The following CC2D2A variants were observed in gnomAD, a reference collection of about 807,000 sequenced individuals.
CC2D2A encodes the protein coiled-coil and C2 domain containing 2A.
A neutral mutation model predicts 212.9 loss-of-function variants in CC2D2A; 155 were observed. That is an observed-to-expected ratio of 0.73 (90% CI 0.64 to 0.83). The LOEUF is 0.83. Among genes scored for constraint, CC2D2A ranks in the 40% least tolerant of loss-of-function variants. The pLI, the probability that CC2D2A is intolerant of heterozygous loss-of-function variation, is 0.00. For synonymous variants in CC2D2A, 667 were observed against 686.5 expected, an observed-to-expected ratio of 0.97 and a Z score of 0.44; for missense variants, 1,856 against 1,956.2, an observed-to-expected ratio of 0.95 and a Z score of 0.97.
At chr4:15,477,321 T>G (rs2108967789) in intron 2 of CC2D2A, among the ~76,000 whole-genome samples, 1 of 151,980 alleles carries the variant, frequency 6.6e-6, no homozygotes, top group South Asian at 2.1e-4. Flanking sequence ...AAAAAAAACT[T>G]TAAGCAAGAT....
intron 11 of CC2D2A, among the ~76,000 whole-genome samples, chr4:15,527,189 G>A (rs1717553167): frequency 6.6e-6 from 1 of 152,180 alleles, no homozygotes; most frequent in Non-Finnish European, 1.5e-5. Context: ...ACTTAGGCAA[G>A]TAATGAAACC....
intron 16 of CC2D2A, among the ~76,000 whole-genome samples, chr4:15,540,076 G>A (rs555494294): frequency 3.3e-5 from 5 of 152,130 alleles, no homozygotes; most frequent in South Asian, 2.1e-4. Context: ...TAAACATTAC[G>A]TTATGTTATA....
rs563468860 is a variant in CC2D2A, at chr4:15,564,668, C to G, written c.3182+1146C>G. On this transcript the variant is annotated intron_variant, in intron 24 of 36. Transcript: ENST00000424120. ...TTCTGTCTCTCTCCTTCCTCTCACC[C>G]CATTATTTTGCCTTACATTTTTTAT... is the stretch of plus-strand genomic sequence containing the variant. 1.9e-3 allele frequency among the ~76,000 whole-genome samples: 288 copies of G among 152,000 alleles called. 1 individual carries two copies. Among genetic ancestry groups the G allele is most frequent in the African/African-American group, 6.5e-3 (269 of 41,454 alleles).
chr4:15,497,222 C>T (rs1715670207), intron 4 of CC2D2A, among the ~76,000 whole-genome samples: 1 of 152,170 alleles, frequency 6.6e-6, no homozygotes, highest in Non-Finnish European at 1.5e-5. Context: ...GGCATACAGA[C>T]CAATGGAACA....
chr4:15,589,542 C>T lies in CC2D2A; in HGVS notation c.4180-3C>T, dbSNP rs776622937. ...ACTAGTTTTAATGGCCATCTTCTTT[C>T]AGGGTCCAACTGCCTATGTGCTAAC... On this transcript the variant is annotated splice_region_variant and splice_polypyrimidine_tract_variant and intron_variant, in intron 32 of 36. Coordinates refer to ENST00000424120, the MANE Select transcript of CC2D2A (RefSeq NM_001378615.1). 1.9e-6 allele frequency: 3 copies of T among 1,610,912 alleles called. No individual in the cohort carries two copies. The highest frequency in any genetic ancestry group is 1.7e-6 in the Non-Finnish European group (2 of 1,178,072).
chr4:15,567,594 C>T lies in CC2D2A; in HGVS notation c.3289-83C>T, dbSNP rs894649609. The T allele has an allele frequency of 3.1e-5, 40 of 1,302,372 alleles. No individual in the cohort carries two copies. The East Asian group carries it at 9.6e-4, about 31-fold the overall frequency. 80.7% of individuals were successfully genotyped at this position (1,302,372 alleles called of 1,614,324 possible). ...CTTCATTTTCTTTGGAAACATACTA[C>T]TTAGTAAATATACTCTATTTTTGCT... On this transcript the variant is annotated intron_variant, in intron 25 of 36. Transcript: ENST00000424120.
chr4:15,597,190 A>G (rs1237749101), intron 34 of CC2D2A, among the ~76,000 whole-genome samples: 1 of 152,192 alleles, frequency 6.6e-6, no homozygotes, highest in African/African-American at 2.4e-5. Flanking sequence ...AATTCAGGTC[A>G]TGGTTACTTC....
intron 4 of CC2D2A, among the ~76,000 whole-genome samples, chr4:15,495,222 C>T (rs1715545496): frequency 6.6e-6 from 1 of 152,192 alleles, no homozygotes; most frequent in African/African-American, 2.4e-5. Flanking sequence ...GATTCTCCTG[C>T]CTCAGCCTCC....
intron 6 of CC2D2A, among the ~76,000 whole-genome samples, chr4:15,509,471 A>G (rs750820613): frequency 5.9e-5 from 9 of 152,238 alleles, no homozygotes; most frequent in Middle Eastern, 3.4e-3. Flanking sequence ...GTGGGGTTTC[A>G]CTATGTTTGC....
chr4:15,504,697 G>T (rs1270940781), intron 6 of CC2D2A, among the ~76,000 whole-genome samples: 3 of 152,078 alleles, frequency 2.0e-5, no homozygotes, highest in Non-Finnish European at 2.9e-5. Context: ...TTGTAATCAG[G>T]ACTTGGCTTA....
rs955623216 is a variant in CC2D2A at position 15,574,337 on chromosome 4, A to C, written c.3771+11A>C. ...TCCATTCGAGAAAAGGTAACTACTT[A>C]TAGTTTGGAAACCCATGTCTATGTT... is the stretch of plus-strand genomic sequence containing the variant. On this transcript the variant is annotated intron_variant, in intron 29 of 36. Transcript: ENST00000424120. The C allele has an allele frequency of 1.0e-5, 16 of 1,535,518 alleles. No individual in the cohort carries two copies. The highest frequency in any genetic ancestry group is 2.8e-5 in the African/African-American group (2 of 72,488).
chr4:15,555,782 T>G (rs886565702), intron 20 of CC2D2A, among the ~76,000 whole-genome samples: 4 of 152,172 alleles, frequency 2.6e-5, no homozygotes, highest in Admixed American at 2.0e-4. Context: ...GCACACAATT[T>G]GTGAGCAGTA....
intron 11 of CC2D2A, among the ~76,000 whole-genome samples, chr4:15,522,157 C>T (rs754710696): frequency 6.6e-6 from 1 of 152,228 alleles, no homozygotes; most frequent in Non-Finnish European, 1.5e-5. Flanking sequence ...GCTATTATCA[C>T]ACCACTGCAC....
At position 15,557,505 on chromosome 4, in the gene CC2D2A, C is replaced by A; in HGVS notation, c.2827C>A (p.Gln943Lys). 1 of 1,595,874 alleles carries A rather than the reference C, an allele frequency of 6.3e-7. No homozygotes were observed. The highest frequency in any genetic ancestry group is 1.7e-5 in the Admixed American group (1 of 57,766). ...YDREIMEKVF[Q>K]DYEKRLRDRN... The stretch of plus-strand genomic sequence containing the variant: ...CCGAGAAATTATGGAAAAGGTATTC[C>A]AGGTAAGAAACTGCCATAGAGGGGT... Residue 943 changes from glutamine to lysine, a missense_variant and splice_region_variant, in exon 21 of 37, where the codon CAG (glutamine) becomes AAG (lysine). This residue lies in a region of CC2D2A where 1,512 missense variants were observed against 1,579.3 expected (regional missense o/e 0.96). Transcript: ENST00000424120.
intron 35 of CC2D2A, 42 bp downstream of exon 35, chr4:15,597,507 G>A: frequency 6.8e-7 from 1 of 1,464,426 alleles, no homozygotes; most frequent in Non-Finnish European, 9.4e-7. Context: ...CTGTCACTAG[G>A]AGTATAATAC....
chr4:15,538,868 G>T (rs1718275448), intron 16 of CC2D2A, among the ~76,000 whole-genome samples: 1 of 151,902 alleles, frequency 6.6e-6, no homozygotes. Context: ...TATAGCCCCA[G>T]AATCAGCAGC....
chr4:15,591,242 G>A (rs1356710669), intron 33 of CC2D2A, among the ~76,000 whole-genome samples: 3 of 144,182 alleles, frequency 2.1e-5, no homozygotes, highest in Non-Finnish European at 4.5e-5. Flanking sequence ...TTTTTGAGAC[G>A]GACTTTCACT....
intron 6 of CC2D2A, among the ~76,000 whole-genome samples, chr4:15,507,402 G>A (rs2109003356): frequency 6.6e-6 from 1 of 152,260 alleles, no homozygotes; most frequent in East Asian, 1.9e-4. Flanking sequence ...ACATCTAGCT[G>A]CACCTAAGTG....
chr4:15,590,328 A>T lies in CC2D2A; in HGVS notation c.4314+649A>T, dbSNP rs140998277. Among the ~76,000 whole-genome samples, 774 of 152,314 alleles carry T rather than the reference A, an allele frequency of 5.1e-3. 5 individuals are homozygous for T. The highest frequency in any genetic ancestry group is 0.018 in the African/African-American group (734 of 41,554). On this transcript the variant is annotated intron_variant, in intron 33 of 36. Coordinates refer to ENST00000424120, the MANE Select transcript of CC2D2A (RefSeq NM_001378615.1). ...TCAGGAGTTCGAGACCAGCCTGGCC[A>T]ACATGGCGAAACCCCGTCTCTACTG...
Sources: allele counts gnomAD v4.1 joint callset (sites outside exome capture counted in the v4.1 genomes callset), GRCh38; gene constraint gnomAD v4.1.1; regional missense constraint gnomAD v4.1.1; transcripts MANE v1.5; gene names NCBI Gene and HGNC (gene_info 2026-07-23, HGNC 2026-07-21).